Variants in KALRN observed in about 807,000 individuals in gnomAD.
The protein encoded by KALRN is kalirin.
Under a neutral mutation model 353.7 loss-of-function variants are expected in KALRN, and 70 were observed. The ratio of observed to expected loss-of-function variants is 0.20; its 90% CI spans 0.16 to 0.24. The LOEUF is 0.24. KALRN is among the 10% of genes least tolerant of loss of function. The pLI is 1.00. For synonymous variants in KALRN, 1,391 were observed against 1,434.8 expected (o/e 0.97, Z 0.69); for missense variants, 2,791 against 3,756.7 (o/e 0.74, Z 6.72).
intron 3 of KALRN, among the ~76,000 whole-genome samples, chr3:124,240,366 T>C (rs937160056): frequency 2.6e-5 from 4 of 152,196 alleles, no homozygotes; most frequent in African/African-American, 9.7e-5. Context: ...GGGAAGACTT[T>C]AACCAAGACA....
intron 1 of KALRN, among the ~76,000 whole-genome samples, chr3:124,201,804 C>A (rs1350579617): frequency 1.3e-5 from 2 of 152,150 alleles, no homozygotes; most frequent in Non-Finnish European, 2.9e-5. Context: ...TAAATTAAGT[C>A]TATAAATGCA....
At chr3:124,595,264 C>T (rs2076169745) in intron 34 of KALRN, among the ~76,000 whole-genome samples, 1 of 151,972 alleles carries the variant, frequency 6.6e-6, no homozygotes, top group Non-Finnish European at 1.5e-5. Context: ...ACTTCTACTA[C>T]ATTTTAATGA....
chr3:124,541,321 A>T (rs1228425703), intron 33 of KALRN, among the ~76,000 whole-genome samples: 1 of 151,846 alleles, frequency 6.6e-6, no homozygotes, highest in African/African-American at 2.4e-5. Flanking sequence ...ATGATGGCAC[A>T]TGCCTGTAAT....
intron 1 of KALRN, among the ~76,000 whole-genome samples, chr3:124,218,581 C>G (rs935144202): frequency 1.3e-5 from 2 of 152,188 alleles, no homozygotes; most frequent in Non-Finnish European, 2.9e-5. Flanking sequence ...GATGTATGAG[C>G]ACTTTAGGTA....
intron 34 of KALRN, among the ~76,000 whole-genome samples, chr3:124,582,873 G>T (rs1257322675): frequency 6.6e-6 from 1 of 152,094 alleles, no homozygotes; most frequent in Non-Finnish European, 1.5e-5. Flanking sequence ...AGGCTCAAGT[G>T]ATCCTTCCAC....
chr3:124,400,950 T>C (rs2090778664), intron 13 of KALRN, among the ~76,000 whole-genome samples: 1 of 152,156 alleles, frequency 6.6e-6, no homozygotes, highest in African/African-American at 2.4e-5. Context: ...TTTGAAAAGA[T>C]AGCTGTGACC....
At chr3:124,500,171 T>G (rs1043900201) in intron 33 of KALRN, among the ~76,000 whole-genome samples, 1 of 152,228 alleles carries the variant, frequency 6.6e-6, no homozygotes, top group Non-Finnish European at 1.5e-5. Context: ...CCCTTTTTTA[T>G]GGACTGCCCT....
chr3:124,704,245 T>C (rs1473412612), intron 57 of KALRN, among the ~76,000 whole-genome samples: 1 of 152,214 alleles, frequency 6.6e-6, no homozygotes, highest in African/African-American at 2.4e-5. Flanking sequence ...CCCAGCTAGT[T>C]CTAAATGAAA....
chr3:124,252,830 A>G (rs2071371297), intron 3 of KALRN, among the ~76,000 whole-genome samples: 1 of 152,128 alleles, frequency 6.6e-6, no homozygotes, highest in Non-Finnish European at 1.5e-5. Context: ...AGGGAGCCCC[A>G]CCACCTCTCT....
chr3:124,081,022 A>G (rs1438605096), intron 1 of KALRN, among the ~76,000 whole-genome samples: 1 of 152,192 alleles, frequency 6.6e-6, no homozygotes, highest in Non-Finnish European at 1.5e-5. Context: ...CATGCAGTTT[A>G]TCTACAGCAA....
intron 51 of KALRN, among the ~76,000 whole-genome samples, chr3:124,693,040 T>C (rs984968488): frequency 3.9e-5 from 6 of 152,218 alleles, no homozygotes; most frequent in African/African-American, 1.2e-4. Flanking sequence ...GCATGGTATA[T>C]ACCAAGAGCC....
chr3:124,574,326 T>C (rs1405790283), intron 34 of KALRN, among the ~76,000 whole-genome samples: 2 of 152,270 alleles, frequency 1.3e-5, no homozygotes, highest in Admixed American at 1.3e-4. Flanking sequence ...TGGGTCCCTC[T>C]GCAGAGATCC....
chr3:124,296,631 C>A (rs552594440), intron 5 of KALRN, among the ~76,000 whole-genome samples: 1 of 152,338 alleles, frequency 6.6e-6, no homozygotes, highest in East Asian at 1.9e-4. Context: ...TGGCAGCCGA[C>A]AATGTGTGGT....
intron 1 of KALRN, among the ~76,000 whole-genome samples, chr3:124,206,093 G>C (rs1171453406): frequency 1.3e-5 from 2 of 152,178 alleles, no homozygotes; most frequent in African/African-American, 4.8e-5. Context: ...AGTGTTCCCT[G>C]CTTATTGGTC....
chr3:124,525,632 G>A (rs16835545), intron 33 of KALRN, among the ~76,000 whole-genome samples: 10,155 of 152,264 alleles, frequency 0.067, 387 homozygotes, highest in Middle Eastern at 0.099. Context: ...CTTGAGAAAA[G>A]CAAGTGGTTG....
At chr3:124,167,927 TCTA>T (rs2071127825) in intron 1 of KALRN, among the ~76,000 whole-genome samples, 1 of 152,214 alleles carries the variant, frequency 6.6e-6, no homozygotes. Context: ...CACAGGAAGT[TCTA>T]CTGCACAGCA....
chr3:124,227,870 G>A (rs993877629), intron 1 of KALRN, 120 bp from the exon 2 acceptor site: 7 of 799,820 alleles, frequency 8.8e-6, no homozygotes, highest in South Asian at 1.4e-5. Context: ...CTGGGCTGTA[G>A]GACCTGGACA....
At chr3:124,524,889 C>G (rs1357598762) in intron 33 of KALRN, among the ~76,000 whole-genome samples, 3 of 152,194 alleles carry the variant, frequency 2.0e-5, no homozygotes, top group Non-Finnish European at 1.5e-5. Context: ...ACATCTTCCT[C>G]CCATTTGTGT....
At chr3:124,514,204 T>A (rs2066277569) in intron 33 of KALRN, among the ~76,000 whole-genome samples, 1 of 152,206 alleles carries the variant, frequency 6.6e-6, no homozygotes, top group South Asian at 2.1e-4. Context: ...GAGAAAGCCT[T>A]TTTAAAACCA....
Sources: allele counts gnomAD v4.1 joint callset (sites outside exome capture counted in the v4.1 genomes callset), GRCh38; gene constraint gnomAD v4.1.1; transcripts MANE v1.5; gene names NCBI Gene and HGNC (gene_info 2026-07-23, HGNC 2026-07-21).